SPATA17: variants seen among roughly 807,000 people sequenced by gnomAD.
The protein encoded by SPATA17 is spermatogenesis associated 17.
A neutral mutation model predicts 62.2 loss-of-function variants in SPATA17; 53 were observed. The ratio of observed to expected loss-of-function variants is 0.85; its 90% CI spans 0.68 to 1.07. SPATA17 has a LOEUF of 1.07. SPATA17 is among the 50% of genes least tolerant of loss of function. SPATA17 has a pLI of 0.00. For missense variants in SPATA17, 466 were observed against 425.5 expected (o/e 1.10, Z -0.84); for synonymous variants, 146 against 146.8 (o/e 0.99, Z 0.04).
intron 6 of SPATA17, among the ~76,000 whole-genome samples, chr1:217,751,951 G>A (rs929711954): frequency 6.6e-6 from 1 of 152,164 alleles, no homozygotes; most frequent in Non-Finnish European, 1.5e-5. Context: ...ACAGATCCAT[G>A]TGTTATGGGC....
intron 9 of SPATA17, among the ~76,000 whole-genome samples, chr1:217,834,863 T>G (rs1330027751): frequency 6.6e-6 from 1 of 152,180 alleles, no homozygotes; most frequent in Non-Finnish European, 1.5e-5. Flanking sequence ...TCCAGTCCTG[T>G]AAGCTCCATT....
chr1:217,732,725 C>T (rs1186687872), intron 5 of SPATA17, among the ~76,000 whole-genome samples: 1 of 152,076 alleles, frequency 6.6e-6, no homozygotes, highest in Non-Finnish European at 1.5e-5. Context: ...ATAATATCTG[C>T]CCCCTACCAA....
chr1:217,677,130 G>A (rs1329561599), intron 4 of SPATA17, among the ~76,000 whole-genome samples: 4 of 152,042 alleles, frequency 2.6e-5, no homozygotes, highest in African/African-American at 9.7e-5. Flanking sequence ...TAGAACAGAG[G>A]TCATTTAAAC....
intron 5 of SPATA17, 133 bp downstream of exon 5, chr1:217,683,494 A>C: frequency 1.7e-6 from 1 of 602,022 alleles, no homozygotes. Context: ...TCTGGAGTGC[A>C]GTGGCGCAAT....
intron 3 of SPATA17, among the ~76,000 whole-genome samples, chr1:217,654,646 ATT>A (rs1670395484): frequency 1.3e-5 from 2 of 151,094 alleles, no homozygotes; most frequent in Non-Finnish European, 2.9e-5. Flanking sequence ...TATTTTATTC[ATT>A]TGACACAAAG....
intron 6 of SPATA17, among the ~76,000 whole-genome samples, chr1:217,743,856 G>A (rs71647104): frequency 1.2e-4 from 18 of 152,120 alleles, no homozygotes; most frequent in Admixed American, 2.0e-4. Context: ...TGATCCCCCC[G>A]CCTGGGCCTC....
chr1:217,861,968 C>T (rs1675904754), intron 9 of SPATA17, among the ~76,000 whole-genome samples: 1 of 151,960 alleles, frequency 6.6e-6, no homozygotes. Context: ...CTCATGTCCA[C>T]ATGTTCTTTA....
At chr1:217,671,654 T>C (rs147742633) in intron 4 of SPATA17, among the ~76,000 whole-genome samples, 150 of 152,172 alleles carry the variant, frequency 9.9e-4, no homozygotes, top group African/African-American at 3.4e-3. Context: ...TCCTCCTCCT[T>C]ATTGCCTTTT....
intron 2 of SPATA17, 70 bp from the exon 3 acceptor site, chr1:217,651,027 A>G (rs1399336043): frequency 8.4e-7 from 1 of 1,185,550 alleles, no homozygotes; most frequent in African/African-American, 1.5e-5. Flanking sequence ...GTAGGAGAGT[A>G]TTTTAACAAA....
chr1:217,670,294 A>G (rs566300880), intron 4 of SPATA17, among the ~76,000 whole-genome samples: 5 of 152,096 alleles, frequency 3.3e-5, no homozygotes, highest in Admixed American at 6.5e-5. Context: ...CCATTTAGCT[A>G]TTTCCACTGA....
intron 5 of SPATA17, among the ~76,000 whole-genome samples, chr1:217,687,552 T>G (rs1482886412): frequency 1.3e-5 from 2 of 152,214 alleles, no homozygotes; most frequent in Non-Finnish European, 2.9e-5. Context: ...TATGTTTCAA[T>G]ACACAAATAG....
At chr1:217,746,554 T>G (rs900453087) in intron 6 of SPATA17, among the ~76,000 whole-genome samples, 3 of 114,926 alleles carry the variant, frequency 2.6e-5, no homozygotes, top group Non-Finnish European at 6.7e-5. Context: ...GATATAAGAT[T>G]ATGTGTTTTT....
intron 9 of SPATA17, among the ~76,000 whole-genome samples, chr1:217,839,131 T>C (rs1365486585): frequency 6.6e-6 from 1 of 152,112 alleles, no homozygotes; most frequent in Non-Finnish European, 1.5e-5. Flanking sequence ...AGTAGTGCAG[T>C]GTCAACCATA....
intron 9 of SPATA17, among the ~76,000 whole-genome samples, chr1:217,817,477 G>A (rs1480529942): frequency 6.6e-6 from 1 of 151,920 alleles, no homozygotes; most frequent in African/African-American, 2.4e-5. Context: ...GTTTCCTGAG[G>A]CCTCCCCAGC....
At chr1:217,803,080 T>C (rs951757328) in intron 9 of SPATA17, among the ~76,000 whole-genome samples, 1 of 152,116 alleles carries the variant, frequency 6.6e-6, no homozygotes, top group African/African-American at 2.4e-5. Flanking sequence ...ACCTGGCTAA[T>C]TTTTTGTATT....
chr1:217,842,709 CT>C (rs1675438129), intron 9 of SPATA17, among the ~76,000 whole-genome samples: 1 of 151,854 alleles, frequency 6.6e-6, no homozygotes, highest in Non-Finnish European at 1.5e-5. Flanking sequence ...ATCTAGAAAA[CT>C]GAATTTTCGC....
In SPATA17 at chr1:217,870,332, T is replaced by C. The variant is rs1284573949; in HGVS notation, c.*3313T>C. ...TTGAATGCTTAAGGCTCTTTATCGC[T>C]AGTGTATGTAAGTAATATCATTGTC... On this transcript the variant is annotated 3_prime_UTR_variant, in exon 11 of 11. Coordinates refer to ENST00000366933, the MANE Select transcript of SPATA17 (RefSeq NM_138796.4). 1.3e-5 allele frequency: 2 copies of C among 152,166 alleles called. No homozygotes were observed. Among genetic ancestry groups the C allele is most frequent in the Non-Finnish European group, 2.9e-5 (2 of 68,032 alleles). 9.4% of individuals were successfully genotyped at this position (152,166 alleles called of 1,614,324 possible).
intron 8 of SPATA17, among the ~76,000 whole-genome samples, chr1:217,800,542 G>C (rs139728342): frequency 2.0e-5 from 3 of 152,010 alleles, no homozygotes; most frequent in Non-Finnish European, 4.4e-5. Context: ...ACATGGACTG[G>C]GACATGAACC....
chr1:217,708,055 A>AGTG (rs1460088939), intron 5 of SPATA17, among the ~76,000 whole-genome samples: 1 of 152,210 alleles, frequency 6.6e-6, no homozygotes, highest in African/African-American at 2.4e-5. Flanking sequence ...CAGTTAAAGC[A>AGTG]GTGTCAAGGG....
Sources: allele counts gnomAD v4.1 joint callset (sites outside exome capture counted in the v4.1 genomes callset), GRCh38; gene constraint gnomAD v4.1.1; transcripts MANE v1.5; gene names NCBI Gene and HGNC (gene_info 2026-07-23, HGNC 2026-07-21).